Variants in F13A1 observed in about 807,000 individuals in gnomAD.
The protein encoded by F13A1 is FSF, A subunit.
In F13A1, 47 loss-of-function variants were observed where a neutral mutation model predicts 80.1. The ratio of observed to expected loss-of-function variants is 0.59; its 90% CI spans 0.46 to 0.75. The LOEUF (loss-of-function observed/expected upper bound fraction) is 0.75. F13A1 is among the 30% of genes least tolerant of loss of function. The probability of loss-of-function intolerance (pLI) is 0.00; values close to 1 mark genes in which losing one functional copy is unlikely to be tolerated. For synonymous variants in F13A1, 349 were observed against 344.9 expected (o/e 1.01, Z -0.13); for missense variants, 817 against 930.4 (o/e 0.88, Z 1.59).
chr6:6,285,795 C>A (rs929375059), intron 3 of F13A1, among the ~76,000 whole-genome samples: 1 of 147,490 alleles, frequency 6.8e-6, no homozygotes, highest in Non-Finnish European at 1.5e-5. Flanking sequence ...GGCAGTCTCC[C>A]AATAAACAGA....
intron 6 of F13A1, among the ~76,000 whole-genome samples, chr6:6,239,227 C>G (rs1287936194): frequency 6.6e-6 from 1 of 152,112 alleles, no homozygotes; most frequent in Admixed American, 6.6e-5. Context: ...GAAGCCAGCC[C>G]TATTTCTACT....
intron 6 of F13A1, 143 bp from the exon 7 acceptor site, chr6:6,225,003 C>T: frequency 1.1e-6 from 1 of 870,822 alleles, no homozygotes; most frequent in South Asian, 1.5e-5. Context: ...TTCGGTTTAC[C>T]ATTACATTGT....
rs1327251513 is a variant in F13A1 at position 6,215,220 on chromosome 6, A to G, written c.1112+6813T>C. ...CCTGATACCAAAGCCGGGTAGAGAC[A>G]CAACAAAAAAAGAGAATTTTAGACC... is the stretch of plus-strand genomic sequence containing the variant. On this transcript the variant is annotated intron_variant, in intron 8 of 14. Coordinates refer to ENST00000264870, the MANE Select transcript of F13A1 (RefSeq NM_000129.4). 2.3e-5 allele frequency among the ~76,000 whole-genome samples: 3 copies of G among 132,728 alleles called. 1 individual carries two copies. Among genetic ancestry groups the G allele is most frequent in the Non-Finnish European group, 5.1e-5 (3 of 59,358 alleles). The allele number at this position is 132,728 out of a possible 152,430, so 87.1% of individuals were successfully genotyped here.
chr6:6,319,439 C>A (rs1257554033), intron 1 of F13A1, among the ~76,000 whole-genome samples: 3 of 152,122 alleles, frequency 2.0e-5, no homozygotes, highest in Non-Finnish European at 4.4e-5. Context: ...TCAGGGTTGC[C>A]AACATTTCCC....
At chr6:6,190,517 C>A (rs1320541781) in intron 10 of F13A1, among the ~76,000 whole-genome samples, 1 of 150,618 alleles carries the variant, frequency 6.6e-6, no homozygotes, top group African/African-American at 2.4e-5. Context: ...CTGGGGGGTG[C>A]CTCCCAGTTA....
Position 6,228,221 on chromosome 6 carries a change from C to T in F13A1, c.799-3361G>A, listed in dbSNP as rs560418281. The stretch of plus-strand genomic sequence containing the variant: ...CATTAAGGCTACACTAAATTGCCCT[C>T]CCATAATACCTACAAAATTAGAAAA... On this transcript the variant is annotated intron_variant, in intron 6 of 14. Transcript: ENST00000264870. Among the ~76,000 whole-genome samples the T allele has an allele frequency of 2.0e-5, 3 of 152,154 alleles. No individual in the cohort carries two copies. In the South Asian group the frequency reaches 6.2e-4, roughly 32 times the overall value.
At chr6:6,224,082 T>C (rs1757238358) in intron 7 of F13A1, among the ~76,000 whole-genome samples, 1 of 152,110 alleles carries the variant, frequency 6.6e-6, no homozygotes, top group East Asian at 1.9e-4. Flanking sequence ...CCTCTACAGA[T>C]TGGATGTTGG....
At chr6:6,176,005 G>C (rs4960177) in intron 11 of F13A1, among the ~76,000 whole-genome samples, 120,752 of 151,802 alleles carry the variant, frequency 0.8, 48,312 homozygotes, top group Non-Finnish European at 0.84. Context: ...AAAGGCTTTG[G>C]CTTGGAAACA....
At chr6:6,247,368 C>A (rs1431329231) in intron 6 of F13A1, among the ~76,000 whole-genome samples, 1 of 152,118 alleles carries the variant, frequency 6.6e-6, no homozygotes, top group Non-Finnish European at 1.5e-5. Flanking sequence ...ATAAGTATTT[C>A]TTTTTTTCAG....
chr6:6,249,589 C>G (rs961458456), intron 5 of F13A1, among the ~76,000 whole-genome samples: 1 of 152,158 alleles, frequency 6.6e-6, no homozygotes, highest in Non-Finnish European at 1.5e-5. Context: ...GAAGAGTGCC[C>G]TGACTGGGCT....
chr6:6,145,746 T>A lies in F13A1; in HGVS notation c.2072A>T (p.Gln691Leu). 1 of 1,614,088 alleles carries A rather than the reference T, an allele frequency of 6.2e-7. No individual in the cohort carries two copies. Among genetic ancestry groups the A allele is most frequent in the Non-Finnish European group, 8.5e-7 (1 of 1,179,990 alleles). Residue 691 changes from glutamine (Q) to leucine (L), a missense_variant, in exon 15 of 15, where the codon CAG becomes CTG. Physicochemically the swap from Gln to Leu is moderately radical, Grantham distance 113. Coordinates refer to ENST00000264870, the MANE Select transcript of F13A1 (RefSeq NM_000129.4). ...FREIRPNSTV[Q>L]WEEVCRPWVS... ...CCAGGGCCGGCACACTTCTTCCCAC[T>A]GCACGGTGGAGTTGGGCCGGATTTC...
chr6:6,187,136 G>T (rs1343468503), intron 10 of F13A1, among the ~76,000 whole-genome samples: 1 of 124,598 alleles, frequency 8.0e-6, no homozygotes, highest in African/African-American at 3.3e-5. Context: ...TGAGACAATG[G>T]GGTTTTCTAG....
At chr6:6,253,917 T>C (rs764051394) in intron 4 of F13A1, among the ~76,000 whole-genome samples, 1 of 152,216 alleles carries the variant, frequency 6.6e-6, no homozygotes, top group Non-Finnish European at 1.5e-5. Context: ...TATCCTACTA[T>C]ATACAAACTG....
chr6:6,290,832 CT>C (rs1172608975), intron 3 of F13A1, among the ~76,000 whole-genome samples: 8 of 152,184 alleles, frequency 5.3e-5, no homozygotes, highest in African/African-American at 1.9e-4. Flanking sequence ...ATGAAATAGG[CT>C]GTCTATTTTC....
chr6:6,247,544 C>G (rs1354326261), intron 6 of F13A1, among the ~76,000 whole-genome samples: 1 of 152,180 alleles, frequency 6.6e-6, no homozygotes, highest in Non-Finnish European at 1.5e-5. Context: ...TAATCCACGT[C>G]CTATGCCTGG....
At chr6:6,146,948 C>T (rs918020789) in intron 14 of F13A1, among the ~76,000 whole-genome samples, 2 of 152,138 alleles carry the variant, frequency 1.3e-5, no homozygotes, top group African/African-American at 4.8e-5. Context: ...TTGTGGTATG[C>T]ATATACCATG....
At chr6:6,239,659 G>A (rs1247212655) in intron 6 of F13A1, among the ~76,000 whole-genome samples, 1 of 152,012 alleles carries the variant, frequency 6.6e-6, no homozygotes, top group African/African-American at 2.4e-5. Context: ...TGCTCATTTG[G>A]CCAAAACATA....
intron 13 of F13A1, among the ~76,000 whole-genome samples, chr6:6,160,408 C>T (rs1310015795): frequency 6.6e-6 from 1 of 151,870 alleles, no homozygotes; most frequent in Non-Finnish European, 1.5e-5. Flanking sequence ...GGGATCTCGG[C>T]TCACTGCAGC....
intron 13 of F13A1, among the ~76,000 whole-genome samples, chr6:6,154,301 G>C (rs1303709012): frequency 6.6e-6 from 1 of 152,202 alleles, no homozygotes; most frequent in African/African-American, 2.4e-5. Context: ...ACATGAACCA[G>C]AAGTTACTTT....
Sources: allele counts gnomAD v4.1 joint callset (sites outside exome capture counted in the v4.1 genomes callset), GRCh38; gene constraint gnomAD v4.1.1; transcripts MANE v1.5; gene names NCBI Gene and HGNC (gene_info 2026-07-23, HGNC 2026-07-21).